Variants in FHOD3 observed in about 807,000 individuals in gnomAD.
The protein encoded by FHOD3 is FH1/FH2 domain-containing protein 3.
Under a neutral mutation model 173.0 loss-of-function variants are expected in FHOD3, and 90 were observed. That is an observed-to-expected ratio of 0.52 (90% confidence interval 0.44 to 0.62). The LOEUF is 0.62. FHOD3 is among the 20% of genes least tolerant of loss of function. FHOD3 has a pLI of 0.00. For missense variants in FHOD3, 1,945 were observed against 2,034.7 expected (o/e 0.96, Z 0.85); for synonymous variants, 828 against 823.0 (o/e 1.01, Z -0.10).
chr18:36,508,297 C>CA (rs2146219430), intron 4 of FHOD3, among the ~76,000 whole-genome samples: 1 of 150,114 alleles, frequency 6.7e-6, no homozygotes, highest in East Asian at 2.0e-4. Context: ...AAGCTAGAAG[C>CA]AATAATCAAT....
intron 3 of FHOD3, among the ~76,000 whole-genome samples, chr18:36,388,966 G>A (rs1230198446): frequency 6.6e-6 from 1 of 152,204 alleles, no homozygotes; most frequent in African/African-American, 2.4e-5. Context: ...TCCCTCTGGG[G>A]GGCACCGTGA....
intron 19 of FHOD3, among the ~76,000 whole-genome samples, chr18:36,725,670 C>G (rs1339744169): frequency 6.6e-6 from 1 of 152,180 alleles, no homozygotes; most frequent in Non-Finnish European, 1.5e-5. Context: ...TTCCTGCTTT[C>G]CCCTGGCCTT....
intron 1 of FHOD3, among the ~76,000 whole-genome samples, chr18:36,339,570 C>T (rs2045503013): frequency 6.6e-6 from 1 of 152,204 alleles, no homozygotes; most frequent in Non-Finnish European, 1.5e-5. Context: ...GGCGCTTCTG[C>T]CTCCCTACTT....
intron 24 of FHOD3, among the ~76,000 whole-genome samples, chr18:36,753,336 T>C (rs560685211): frequency 2.6e-5 from 4 of 152,274 alleles, no homozygotes; most frequent in Admixed American, 2.6e-4. Flanking sequence ...AGGATTCCAG[T>C]GTAACTAGAG....
At chr18:36,584,083 C>T (rs2058946347) in intron 6 of FHOD3, among the ~76,000 whole-genome samples, 1 of 152,166 alleles carries the variant, frequency 6.6e-6, no homozygotes, top group Non-Finnish European at 1.5e-5. Context: ...CCACCTTGGC[C>T]TCCCAAAGTG....
chr18:36,659,591 C>T (rs965703119), intron 14 of FHOD3, among the ~76,000 whole-genome samples: 1 of 152,200 alleles, frequency 6.6e-6, no homozygotes, highest in Admixed American at 6.5e-5. Flanking sequence ...GGACTAGAAC[C>T]AGGCTCTGTT....
rs578237043 is a variant in FHOD3 at position 36,470,078 on chromosome 18, T to C, written c.338-31854T>C. Among the ~76,000 whole-genome samples, 167 of 152,232 alleles carry C rather than the reference T, an allele frequency of 1.1e-3. 1 individual carries two copies. Among genetic ancestry groups the C allele is most frequent in the African/African-American group, 3.9e-3 (162 of 41,536 alleles). On this transcript the variant is annotated intron_variant, in intron 3 of 28. Coordinates refer to ENST00000590592, the MANE Select transcript of FHOD3 (RefSeq NM_001281740.3). ...GAGAGCTGGCAGGAATTCCAGATGG[T>C]AGGAGAGCGGGGTGCCCGAGGCAGG...
chr18:36,429,847 A>T (rs1442847866), intron 3 of FHOD3, among the ~76,000 whole-genome samples: 1 of 152,040 alleles, frequency 6.6e-6, no homozygotes, highest in Non-Finnish European at 1.5e-5. Context: ...TTGCAGCAAG[A>T]AAAAGTGAGA....
intron 27 of FHOD3, among the ~76,000 whole-genome samples, chr18:36,766,455 A>T (rs193266426): frequency 1.3e-5 from 2 of 152,162 alleles, no homozygotes; most frequent in Admixed American, 1.3e-4. Context: ...CCACATCTCA[A>T]ATGTCTTGCT....
At position 36,334,757 on chromosome 18, in the gene FHOD3, T is replaced by C. The variant is rs74640927; in HGVS notation, c.166-20782T>C. ...GCTCTCTGTACCAGAAAACTGACTTTCTGACTTACTGGGAAGACTAATGGA... is the reference window on the plus strand; with the variant it reads ...GCTCTCTGTACCAGAAAACTGACTTCCTGACTTACTGGGAAGACTAATGGA... On this transcript the variant is annotated intron_variant, in intron 1 of 28. Transcript: ENST00000590592. Among the ~76,000 whole-genome samples, 1,024 of 152,326 alleles carry C rather than the reference T, an allele frequency of 6.7e-3. 10 individuals are homozygous for C. The highest frequency in any genetic ancestry group is 0.023 in the African/African-American group (975 of 41,576).
intron 9 of FHOD3, among the ~76,000 whole-genome samples, chr18:36,622,072 A>G (rs141366580): frequency 1.6e-4 from 24 of 152,326 alleles, no homozygotes; most frequent in African/African-American, 5.3e-4. Flanking sequence ...GCTAAGTGAA[A>G]TGGCCCAGTC....
At chr18:36,468,568 A>G (rs1048283621) in intron 3 of FHOD3, among the ~76,000 whole-genome samples, 17 of 152,186 alleles carry the variant, frequency 1.1e-4, no homozygotes, top group African/African-American at 4.1e-4. Flanking sequence ...GGTGAGTGCC[A>G]GCCTGAGCAA....
rs1481818656 is a variant in FHOD3, at chr18:36,760,650, C to T, written c.4492C>T (p.Pro1498Ser). 6.3e-7 allele frequency: 1 copy of T among 1,599,092 alleles called. No individual in the cohort carries two copies. Among genetic ancestry groups the T allele is most frequent in the African/African-American group, 1.3e-5 (1 of 74,174 alleles). Residue 1498 changes from proline to serine, a missense_variant, in exon 27 of 29, where the codon CCG becomes TCG. Around this residue, in one of 5 missense-constraint regions of FHOD3, gnomAD observed 354 missense variants for 359.9 expected, o/e 0.98. Coordinates refer to ENST00000590592, the MANE Select transcript of FHOD3 (RefSeq NM_001281740.3). ...CAGTTCTCCGGCGCCCCCAAGCCAG[C>T]CGCAGGGTCTGAGCTATGCGGAGGA... ...SGSSPAPPSQ[P>S]QGLSYAEDAA...
chr18:36,512,926 AC>A (rs1181604582), intron 5 of FHOD3, among the ~76,000 whole-genome samples: 2 of 152,226 alleles, frequency 1.3e-5, no homozygotes, highest in Non-Finnish European at 2.9e-5. Context: ...TTGGAAAAAA[AC>A]ATTTTCTCCC....
chr18:36,637,179 A>T (rs930139388), intron 10 of FHOD3, among the ~76,000 whole-genome samples: 4 of 152,164 alleles, frequency 2.6e-5, no homozygotes, highest in Non-Finnish European at 5.9e-5. Context: ...GTCAATAGTG[A>T]CATCTTATGA....
chr18:36,546,343 C>T lies in FHOD3; in HGVS notation c.512-30108C>T, dbSNP rs566524419. ...TTGACTCATAGTTCCTTTTTTTTGT[C>T]GCAGTTCCTTACATGTGTACTTTAG... On this transcript the variant is annotated intron_variant, in intron 5 of 28. Transcript: ENST00000590592. 6.6e-5 allele frequency among the ~76,000 whole-genome samples: 10 copies of T among 151,758 alleles called. No homozygotes were observed. The East Asian group carries it at 1.7e-3, about 26-fold the overall frequency.
intron 13 of FHOD3, among the ~76,000 whole-genome samples, chr18:36,655,686 C>T (rs146224028): frequency 3.1e-3 from 468 of 151,848 alleles, no homozygotes; most frequent in South Asian, 7.7e-3. Context: ...TGGTTGACTG[C>T]GATTGAATGG....
chr18:36,553,902 G>A (rs979922204), intron 5 of FHOD3, among the ~76,000 whole-genome samples: 2 of 152,124 alleles, frequency 1.3e-5, no homozygotes, highest in Non-Finnish European at 2.9e-5. Flanking sequence ...ATCATCACTG[G>A]CCATCAGATA....
chr18:36,354,771 A>G (rs1400294374), intron 1 of FHOD3, among the ~76,000 whole-genome samples: 2 of 151,800 alleles, frequency 1.3e-5, no homozygotes, highest in Non-Finnish European at 2.9e-5. Context: ...ATGCCACTGC[A>G]CTCTAGCCTG....
Sources: allele counts gnomAD v4.1 joint callset (sites outside exome capture counted in the v4.1 genomes callset), GRCh38; gene constraint gnomAD v4.1.1; regional missense constraint gnomAD v4.1.1; transcripts MANE v1.5; gene names NCBI Gene and HGNC (gene_info 2026-07-23, HGNC 2026-07-21).